The following ARHGEF26 variants were observed in gnomAD, a reference collection of about 807,000 sequenced individuals.
ARHGEF26 encodes the protein Rho guanine nucleotide exchange factor 26.
Under a neutral mutation model 89.4 loss-of-function variants are expected in ARHGEF26, and 59 were observed. The observed-to-expected ratio is 0.66, with a 90% CI of 0.54 to 0.82. The LOEUF is 0.82. ARHGEF26 is among the 40% of genes least tolerant of loss of function. The pLI, the probability that ARHGEF26 is intolerant of heterozygous loss-of-function variation, is 0.00. For missense variants in ARHGEF26, 1,234 were observed against 1,085.6 expected, an observed-to-expected ratio of 1.14 and a Z score of -1.92; for synonymous variants, 500 against 428.4, an observed-to-expected ratio of 1.17 and a Z score of -2.06.
chr3:154,179,175 C>T (rs961986036), intron 6 of ARHGEF26, among the ~76,000 whole-genome samples: 1 of 152,042 alleles, frequency 6.6e-6, no homozygotes, highest in Admixed American at 6.5e-5. Flanking sequence ...ACGTTTCTTG[C>T]TTCCTCAAAA....
intron 11 of ARHGEF26, among the ~76,000 whole-genome samples, chr3:154,230,583 C>G (rs1171102044): frequency 6.6e-6 from 1 of 152,064 alleles, no homozygotes; most frequent in Non-Finnish European, 1.5e-5. Flanking sequence ...AAAACTAGAA[C>G]CAGTACCAAA....
intron 9 of ARHGEF26, among the ~76,000 whole-genome samples, chr3:154,195,355 A>G (rs1015120923): frequency 6.6e-6 from 1 of 152,182 alleles, no homozygotes; most frequent in African/African-American, 2.4e-5. Context: ...GGGCCTTGTT[A>G]TACATGCTAG....
intron 10 of ARHGEF26, among the ~76,000 whole-genome samples, chr3:154,219,146 G>A (rs1334061737): frequency 2.6e-5 from 4 of 152,102 alleles, no homozygotes; most frequent in Non-Finnish European, 5.9e-5. Context: ...TCAGAATCTC[G>A]TTCTCTCTAA....
Position 154,158,260 on chromosome 3 carries a change from A to G in ARHGEF26, c.1487+5328A>G, listed in dbSNP as rs190896621. Among the ~76,000 whole-genome samples the G allele has an allele frequency of 2.6e-4, 40 of 152,346 alleles. No individual in the cohort carries two copies. The East Asian group carries it at 4.1e-3, about 15-fold the overall frequency. ...TTGGAACAGAAATGAGTTAAATAGG[A>G]TAAGAGGAATTGCACAGTGTGCATG... is the stretch of plus-strand genomic sequence containing the variant. On this transcript the variant is annotated intron_variant, in intron 6 of 14. Transcript: ENST00000465093.
chr3:154,121,759 C>T (rs893979445), intron 1 of ARHGEF26, among the ~76,000 whole-genome samples, 183 bp from the exon 2 acceptor site: 2 of 152,156 alleles, frequency 1.3e-5, no homozygotes, highest in Non-Finnish European at 2.9e-5. Context: ...TGGGCGGCAG[C>T]CCAGATTTCT....
chr3:154,146,750 CTG>C (rs1270892336), intron 4 of ARHGEF26, among the ~76,000 whole-genome samples: 6 of 152,110 alleles, frequency 3.9e-5, no homozygotes, highest in Admixed American at 6.5e-5. Flanking sequence ...CATGTCAAAA[CTG>C]TAGTATTGTT....
intron 4 of ARHGEF26, among the ~76,000 whole-genome samples, chr3:154,145,283 C>T (rs1719630749): frequency 6.6e-6 from 1 of 152,148 alleles, no homozygotes; most frequent in Non-Finnish European, 1.5e-5. Context: ...AGGGATGACT[C>T]AGGTTACATT....
intron 9 of ARHGEF26, among the ~76,000 whole-genome samples, chr3:154,204,519 T>G (rs1419258646): frequency 6.6e-6 from 1 of 151,788 alleles, no homozygotes; most frequent in Non-Finnish European, 1.5e-5. Context: ...TTAGTAGAGA[T>G]GGGGTTTCAC....
chr3:154,169,225 T>G (rs3846026), intron 6 of ARHGEF26, among the ~76,000 whole-genome samples: 23,566 of 152,088 alleles, frequency 0.15, 2,188 homozygotes, highest in East Asian at 0.38. Context: ...TACAGGAGCC[T>G]GATACATTTG....
intron 6 of ARHGEF26, among the ~76,000 whole-genome samples, chr3:154,177,971 C>T (rs902610037): frequency 2.0e-5 from 3 of 152,032 alleles, no homozygotes; most frequent in Non-Finnish European, 2.9e-5. Flanking sequence ...TTTGGGAGGC[C>T]GAGGCAGGCA....
chr3:154,227,421 G>A (rs1335314000), intron 11 of ARHGEF26, among the ~76,000 whole-genome samples: 1 of 150,850 alleles, frequency 6.6e-6, no homozygotes, highest in African/African-American at 2.4e-5. Flanking sequence ...TCAGCCTCTC[G>A]CAGGCGCCCG....
At chr3:154,251,777 G>GA (rs1432360095) in intron 12 of ARHGEF26, among the ~76,000 whole-genome samples, 3 of 152,130 alleles carry the variant, frequency 2.0e-5, no homozygotes, top group African/African-American at 7.2e-5. Flanking sequence ...AAGTACAAAA[G>GA]AAGCATGGTA....
chr3:154,257,006 G>A lies in ARHGEF26; in HGVS notation c.*1533G>A. The A allele has an allele frequency of 1.3e-6, 2 of 1,503,882 alleles. No homozygotes were observed. The highest frequency in any genetic ancestry group is 1.8e-6 in the Non-Finnish European group (2 of 1,133,102). 93.2% of individuals were successfully genotyped at this position (1,503,882 alleles called of 1,614,324 possible). ...TGCTTTAACAAAGGGATAAAACCTGGCAAAGTGTACATTATTGGAGGACTC... is the reference window on the plus strand; with the variant it reads ...TGCTTTAACAAAGGGATAAAACCTGACAAAGTGTACATTATTGGAGGACTC... On this transcript the variant is annotated 3_prime_UTR_variant, in exon 15 of 15. Coordinates refer to ENST00000465093, the MANE Select transcript of ARHGEF26 (RefSeq NM_015595.4).
chr3:154,125,731 G>C (rs1373859751), intron 3 of ARHGEF26, among the ~76,000 whole-genome samples: 10 of 152,096 alleles, frequency 6.6e-5, no homozygotes, highest in Non-Finnish European at 1.3e-4. Context: ...TTTATAAGGA[G>C]CTGTTTCTGT....
chr3:154,178,881 A>C (rs1045886754), intron 6 of ARHGEF26, among the ~76,000 whole-genome samples: 8 of 152,100 alleles, frequency 5.3e-5, no homozygotes, highest in African/African-American at 1.4e-4. Context: ...TTCCAGCCCT[A>C]CACCCTGCCC....
intron 4 of ARHGEF26, among the ~76,000 whole-genome samples, chr3:154,140,438 A>G (rs913349413): frequency 1.3e-5 from 2 of 152,230 alleles, no homozygotes; most frequent in African/African-American, 4.8e-5. Flanking sequence ...CTGGAAGAGC[A>G]GGAACTATGT....
chr3:154,225,847 CT>C lies in ARHGEF26; in HGVS notation c.1936-5del. 1 of 1,578,384 alleles carries C rather than the reference CT, an allele frequency of 6.3e-7. No homozygotes were observed. Among genetic ancestry groups the C allele is most frequent in the Non-Finnish European group, 8.6e-7 (1 of 1,166,840 alleles). ...TAGCTTTGGTCACTGGGTTTTTCTC[CT>C]TTTGTAGCCTTTTCCTTTAGTCTCC... On this transcript the variant is annotated splice_region_variant and splice_polypyrimidine_tract_variant and intron_variant, in intron 10 of 14. Coordinates refer to ENST00000465093, the MANE Select transcript of ARHGEF26 (RefSeq NM_015595.4).
chr3:154,125,239 C>T (rs1229728556), intron 3 of ARHGEF26, among the ~76,000 whole-genome samples: 1 of 152,180 alleles, frequency 6.6e-6, no homozygotes, highest in Admixed American at 6.5e-5. Context: ...AATGTACAAT[C>T]ACCCAGAGTT....
chr3:154,128,535 G>A (rs1727890), intron 3 of ARHGEF26, among the ~76,000 whole-genome samples: 101,909 of 152,010 alleles, frequency 0.67, 34,937 homozygotes, highest in Non-Finnish European at 0.75. Context: ...CACCATGCCC[G>A]CCGGCCTCAA....
Sources: gnomAD v4.1 joint callset for allele counts (sites outside exome capture counted in the v4.1 genomes callset) on GRCh38, gnomAD v4.1.1 for gene constraint, MANE v1.5 for transcripts, NCBI Gene and HGNC (gene_info 2026-07-23, HGNC 2026-07-21) for gene names.